AMZ1: variants seen among roughly 807,000 people sequenced by gnomAD.
AMZ1 encodes the protein archaelysin family metallopeptidase 1.
A neutral mutation model predicts 29.9 loss-of-function variants in AMZ1; 39 were observed. That is an observed-to-expected ratio of 1.30 (90% CI 1.01 to 1.70). AMZ1 has a LOEUF of 1.70. AMZ1 is among the 40% of genes most tolerant of loss of function. The pLI, the probability that AMZ1 is intolerant of heterozygous loss-of-function variation, is 0.00. For synonymous variants in AMZ1, 458 were observed against 304.0 expected, an observed-to-expected ratio of 1.51 and a Z score of -5.27; for missense variants, 1,041 against 680.6, an observed-to-expected ratio of 1.53 and a Z score of -5.89.
chr7:2,706,376 A>G (rs1788355013), intron 3 of AMZ1, among the ~76,000 whole-genome samples: 1 of 152,204 alleles, frequency 6.6e-6, no homozygotes, highest in African/African-American at 2.4e-5. Context: ...CATCTTGCCC[A>G]GAGAGTAGCA....
At chr7:2,748,143 G>A (rs978555008) in intron 4 of AMZ1, among the ~76,000 whole-genome samples, 1 of 150,714 alleles carries the variant, frequency 6.6e-6, no homozygotes, top group Non-Finnish European at 1.5e-5. Flanking sequence ...TTTCTTCACA[G>A]AATTGGAAAA....
Position 2,719,320 on chromosome 7 carries a change from C to T in AMZ1, c.*6442C>T, listed in dbSNP as rs899627377. On this transcript the variant is annotated 3_prime_UTR_variant, in exon 7 of 7. Transcript: ENST00000683327. ...GGCTCTTGATGGCATAACCTGATGT[C>T]TGTCACGGACCCCCAAGCAGGAGCA... Among the ~76,000 whole-genome samples the T allele has an allele frequency of 2.0e-5, 3 of 152,218 alleles. No individual in the cohort carries two copies. The highest frequency in any genetic ancestry group is 2.9e-5 in the Non-Finnish European group (2 of 68,040).
At chr7:2,753,342 G>C (rs979574903) in intron 4 of AMZ1, among the ~76,000 whole-genome samples, 1 of 152,034 alleles carries the variant, frequency 6.6e-6, no homozygotes, top group African/African-American at 2.4e-5. Flanking sequence ...GTAGAGATGG[G>C]ATCTTGCTAT....
intron 4 of AMZ1, among the ~76,000 whole-genome samples, chr7:2,741,609 T>C (rs1362029431): frequency 6.6e-6 from 1 of 152,154 alleles, no homozygotes; most frequent in African/African-American, 2.4e-5. Context: ...GCAAGAATAG[T>C]ACAAAGAGCT....
Position 2,702,751 on chromosome 7 carries a change from C to T in AMZ1, c.334C>T (p.Leu112=), listed in dbSNP as rs370075217. Residue 112 remains leucine (L), a synonymous_variant, in exon 3 of 7, where the codon CTG becomes TTG. Transcript: ENST00000683327. ...DLSEEPVGSS[L]LHQLCSCTEA... The stretch of plus-strand genomic sequence containing the variant: ...GAGCGAGGAGCCGGTGGGAAGCTCC[C>T]TGCTGCACCAGCTGTGCAGCTGCAC... 1.6e-3 allele frequency: 2,486 copies of T among 1,540,658 alleles called. 8 individuals carry two copies. Among genetic ancestry groups the T allele is most frequent in the Non-Finnish European group, 2.0e-3 (2,251 of 1,145,744 alleles).
intron 3 of AMZ1, among the ~76,000 whole-genome samples, chr7:2,704,046 G>T (rs1788210152): frequency 6.6e-6 from 1 of 152,138 alleles, no homozygotes; most frequent in African/African-American, 2.4e-5. Context: ...CTGCCACCAT[G>T]CCCAGCTAAT....
At chr7:2,753,629 A>T (rs1417180288) in intron 4 of AMZ1, among the ~76,000 whole-genome samples, 1 of 152,206 alleles carries the variant, frequency 6.6e-6, no homozygotes, top group Non-Finnish European at 1.5e-5. Context: ...TAGCTATTAC[A>T]CATAAAACTC....
chr7:2,690,034 G>A (rs1787291916), intron 1 of AMZ1, among the ~76,000 whole-genome samples: 1 of 152,166 alleles, frequency 6.6e-6, no homozygotes, highest in Non-Finnish European at 1.5e-5. Context: ...GACGAATGTG[G>A]CCACAAGGCT....
intron 1 of AMZ1, among the ~76,000 whole-genome samples, chr7:2,688,913 C>T (rs1787217185): frequency 6.6e-6 from 1 of 152,210 alleles, no homozygotes; most frequent in Non-Finnish European, 1.5e-5. Flanking sequence ...TTACAAAGGA[C>T]AGGGGAGGGC....
rs148995710 is a variant in AMZ1, at chr7:2,718,784, C to A, written c.*5906C>A. Among the ~76,000 whole-genome samples the A allele has an allele frequency of 2.3e-3, 354 of 152,278 alleles. 3 individuals carry two copies. The highest frequency in any genetic ancestry group is 8.3e-3 in the African/African-American group (346 of 41,568). ...GGGCAGGCCAGGGCCGAGCTGCGTC[C>A]GGCTCTCAGGGACTTCCTCTCCCTG... On this transcript the variant is annotated 3_prime_UTR_variant, in exon 7 of 7. Coordinates refer to ENST00000683327, the MANE Select transcript of AMZ1 (RefSeq NM_001384743.1).
At chr7:2,696,330 C>G (rs977253599) in intron 1 of AMZ1, among the ~76,000 whole-genome samples, 9 of 147,408 alleles carry the variant, frequency 6.1e-5, no homozygotes, top group African/African-American at 2.0e-4. Context: ...GATCTTGGCT[C>G]ACTGCAAGCT....
intron 1 of AMZ1, among the ~76,000 whole-genome samples, chr7:2,689,998 C>T (rs781029168): frequency 1.1e-4 from 16 of 152,106 alleles, no homozygotes; most frequent in South Asian, 2.1e-4. Context: ...CAGTGGGGAC[C>T]GGGGTTTTCC....
chr7:2,704,772 A>G (rs1401350005), intron 3 of AMZ1, among the ~76,000 whole-genome samples: 1 of 151,588 alleles, frequency 6.6e-6, no homozygotes, highest in African/African-American at 2.4e-5. Context: ...ATTTTTTTGC[A>G]TATTTAGTAG....
intron 1 of AMZ1, among the ~76,000 whole-genome samples, chr7:2,693,433 G>A (rs142210673): frequency 8.0e-4 from 122 of 152,276 alleles, no homozygotes; most frequent in African/African-American, 2.7e-3. Flanking sequence ...AGGCTGGAGT[G>A]CAGTGGTGCG....
chr7:2,732,656 T>C (rs798529), intron 4 of AMZ1, among the ~76,000 whole-genome samples: 88,606 of 152,096 alleles, frequency 0.58, 26,018 homozygotes, highest in Admixed American at 0.63. Flanking sequence ...GACATGATCA[T>C]GCCTCGATCT....
At chr7:2,709,356 A>G (rs1788597150) in intron 5 of AMZ1, 112 bp downstream of exon 5, 8 of 1,182,914 alleles carry the variant, frequency 6.8e-6, no homozygotes, top group African/African-American at 1.5e-5. Flanking sequence ...ATGGACCCCT[A>G]ACTCTATGGA....
chr7:2,721,412 ATTC>A (rs1789415456), downstream of AMZ1, among the ~76,000 whole-genome samples: 1 of 152,184 alleles, frequency 6.6e-6, no homozygotes, highest in African/African-American at 2.4e-5. Context: ...TGCCACACAC[ATTC>A]TTCTGTTTGA....
chr7:2,708,469 T>C, intron 3 of AMZ1, 119 bp from the exon 4 acceptor site: 1 of 1,479,400 alleles, frequency 6.8e-7, no homozygotes, highest in Non-Finnish European at 9.0e-7. Flanking sequence ...GGCCCACACC[T>C]GACTTGGGAA....
downstream of AMZ1, among the ~76,000 whole-genome samples, chr7:2,723,180 A>G (rs568297278): frequency 6.6e-6 from 1 of 152,214 alleles, no homozygotes; most frequent in South Asian, 2.1e-4. Flanking sequence ...AAAGCACCAC[A>G]GAGTGTACAG....
Sources: gnomAD v4.1 joint callset for allele counts (sites outside exome capture counted in the v4.1 genomes callset) on GRCh38, gnomAD v4.1.1 for gene constraint, MANE v1.5 for transcripts, NCBI Gene and HGNC (gene_info 2026-07-23, HGNC 2026-07-21) for gene names.